The following COG4 variants were observed in gnomAD, a reference collection of about 807,000 sequenced individuals.
The protein encoded by COG4 is component of oligomeric golgi complex 4.
Under a neutral mutation model 95.1 loss-of-function variants are expected in COG4, and 65 were observed. The observed-to-expected ratio is 0.68, with a 90% CI of 0.56 to 0.84. The LOEUF (loss-of-function observed/expected upper bound fraction) is 0.84. Ranked by LOEUF, COG4 falls within the 40% of genes least tolerant of loss-of-function variation. The pLI is 0.00. For synonymous variants in COG4, 421 were observed against 374.8 expected, an observed-to-expected ratio of 1.12 and a Z score of -1.42; for missense variants, 1,045 against 989.1, an observed-to-expected ratio of 1.06 and a Z score of -0.76.
intron 3 of COG4, among the ~76,000 whole-genome samples, chr16:70,515,324 C>T (rs1328484780): frequency 6.6e-6 from 1 of 152,116 alleles, no homozygotes; most frequent in Non-Finnish European, 1.5e-5. Flanking sequence ...GCCTGGCCTA[C>T]TTCATTTTCT....
chr16:70,519,769 A>G (rs763476357), intron 1 of COG4, 38 bp from the exon 2 acceptor site: 1 of 1,464,176 alleles, frequency 6.8e-7, no homozygotes, highest in South Asian at 1.1e-5. Context: ...CAGAATGATC[A>G]GAAGGAACCT....
At chr16:70,500,659 C>T (rs2049430064) in intron 9 of COG4, among the ~76,000 whole-genome samples, 1 of 152,130 alleles carries the variant, frequency 6.6e-6, no homozygotes, top group South Asian at 2.1e-4. Flanking sequence ...CCGTACCTGG[C>T]CTATGTACTC....
intron 2 of COG4, 130 bp from the exon 3 acceptor site, chr16:70,517,870 T>C: frequency 1.5e-6 from 1 of 687,684 alleles, no homozygotes; most frequent in Non-Finnish European, 2.6e-6. Context: ...CAGTTTGCTC[T>C]ATACTCAGCT....
chr16:70,513,494 T>C (rs1316146068), intron 4 of COG4, among the ~76,000 whole-genome samples: 3 of 152,216 alleles, frequency 2.0e-5, no homozygotes, highest in African/African-American at 7.2e-5. Flanking sequence ...GAACCTTAAA[T>C]ATACTATGTT....
intron 4 of COG4, among the ~76,000 whole-genome samples, chr16:70,513,411 A>G (rs758247226): frequency 6.6e-5 from 10 of 152,218 alleles, no homozygotes; most frequent in Non-Finnish European, 1.3e-4. Flanking sequence ...AAATGGGAAT[A>G]CAGTAGTCTC....
chr16:70,497,454 G>A, intron 10 of COG4, 67 bp from the exon 11 acceptor site: 1 of 1,491,480 alleles, frequency 6.7e-7, no homozygotes, highest in East Asian at 2.3e-5. Context: ...ATGATTCTGG[G>A]TACACTGGCC....
At position 70,480,654 on chromosome 16, in the gene COG4, T is replaced by C. The variant is rs564580492; in HGVS notation, c.*356A>G. On this transcript the variant is annotated 3_prime_UTR_variant, in exon 19 of 19. Coordinates refer to ENST00000323786, the MANE Select transcript of COG4 (RefSeq NM_015386.3). ...AGCCTAACTGCTAGGTCCCCAGATG[T>C]ACCCAAGTTGTCTAGGACTGGCAGG... 8 of 324,704 alleles carry C rather than the reference T, an allele frequency of 2.5e-5. No individual in the cohort carries two copies. Among genetic ancestry groups the C allele is most frequent in the African/African-American group, 4.3e-5 (2 of 46,890 alleles). 20.1% of individuals were successfully genotyped at this position (324,704 alleles called of 1,614,324 possible).
intron 15 of COG4, 84 bp downstream of exon 15, chr16:70,482,645 C>A: frequency 9.1e-7 from 1 of 1,093,758 alleles, no homozygotes. Flanking sequence ...AAGGTCTAGT[C>A]TGTTCAGATG....
intron 12 of COG4, among the ~76,000 whole-genome samples, chr16:70,491,266 G>A (rs2049237709): frequency 6.6e-6 from 1 of 152,038 alleles, no homozygotes; most frequent in Non-Finnish European, 1.5e-5. Flanking sequence ...TGTAATCCCA[G>A]CACTTTGGAA....
At chr16:70,496,487 A>G in intron 11 of COG4, 56 bp from the exon 12 acceptor site, 1 of 1,571,918 alleles carries the variant, frequency 6.4e-7, no homozygotes, top group Non-Finnish European at 8.7e-7. Context: ...CCACCAGGAC[A>G]GAAGGGCCAG....
chr16:70,501,830 T>A (rs1418596463), intron 8 of COG4, among the ~76,000 whole-genome samples: 2 of 151,780 alleles, frequency 1.3e-5, no homozygotes, highest in African/African-American at 4.8e-5. Context: ...TTTTTTTTTT[T>A]TTTTCAGATT....
chr16:70,484,239 G>C (rs1425732026), intron 13 of COG4, among the ~76,000 whole-genome samples: 1 of 152,206 alleles, frequency 6.6e-6, no homozygotes, highest in African/African-American at 2.4e-5. Context: ...CTAGGTTCAA[G>C]TCCTGGCTCA....
intron 13 of COG4, among the ~76,000 whole-genome samples, chr16:70,486,253 G>A (rs988536813): frequency 3.3e-5 from 5 of 152,158 alleles, no homozygotes; most frequent in African/African-American, 7.2e-5. Context: ...TCTCCAGGGG[G>A]AACTGCCTGA....
In COG4 at chr16:70,487,209, G is replaced by C. The variant is rs572092655; in HGVS notation, c.1710+3121C>G. 2.0e-5 allele frequency among the ~76,000 whole-genome samples: 3 copies of C among 151,398 alleles called. No individual in the cohort carries two copies. In the Admixed American group the frequency reaches 2.0e-4, roughly 10 times the overall value. ...AGGAAGCTGAGGCAGGAGAATCGCA[G>C]AGGTTGCAGTGAGCCAAGATCATGC... On this transcript the variant is annotated intron_variant, in intron 13 of 18. Transcript: ENST00000323786.
intron 13 of COG4, among the ~76,000 whole-genome samples, chr16:70,484,376 T>A (rs1458258005): frequency 2.0e-5 from 3 of 152,202 alleles, no homozygotes; most frequent in Non-Finnish European, 4.4e-5. Flanking sequence ...CGTGCCTAGC[T>A]CAATGCCTGG....
chr16:70,490,460 C>A, intron 12 of COG4, 68 bp from the exon 13 acceptor site: 1 of 1,287,732 alleles, frequency 7.8e-7, no homozygotes, highest in Admixed American at 1.7e-5. Flanking sequence ...CAATGCCAGA[C>A]TGGCTGACAG....
At chr16:70,513,636 AAT>A (rs1301544228) in intron 4 of COG4, among the ~76,000 whole-genome samples, 2 of 152,222 alleles carry the variant, frequency 1.3e-5, no homozygotes, top group Admixed American at 1.3e-4. Flanking sequence ...TCTCTCTTAA[AAT>A]ATCTTACTGT....
chr16:70,483,149 T>A (rs1213599865), intron 14 of COG4, among the ~76,000 whole-genome samples: 13 of 36,618 alleles, frequency 3.6e-4, no homozygotes, highest in Non-Finnish European at 5.6e-4. Context: ...TCCCCACCCC[T>A]TCCCTCTCTC....
chr16:70,502,668 G>A (rs2049479524), intron 8 of COG4, among the ~76,000 whole-genome samples: 1 of 151,912 alleles, frequency 6.6e-6, no homozygotes, highest in Non-Finnish European at 1.5e-5. Context: ...TTTAGCCCTG[G>A]CAGGATGTTA....
Sources: allele counts gnomAD v4.1 joint callset (sites outside exome capture counted in the v4.1 genomes callset), GRCh38; gene constraint gnomAD v4.1.1; transcripts MANE v1.5; gene names NCBI Gene and HGNC (gene_info 2026-07-23, HGNC 2026-07-21).